The following TTBK1 variants were observed in gnomAD, a reference collection of about 807,000 sequenced individuals.
TTBK1 encodes tau tubulin kinase 1, also known as tau-tubulin kinase 1.
TTBK1 carries 34 observed loss-of-function variants against 108.5 expected under a neutral mutation model. The observed-to-expected ratio is 0.31, with a 90% CI of 0.24 to 0.42. The LOEUF (loss-of-function observed/expected upper bound fraction) is 0.42, where lower values mean the gene tolerates loss of function less well. Among genes scored for constraint, TTBK1 ranks in the 10% least tolerant of loss-of-function variants. The pLI is 1.00. For synonymous variants in TTBK1, 809 were observed against 795.1 expected, an observed-to-expected ratio of 1.02 and a Z score of -0.29; for missense variants, 1,539 against 1,826.0, an observed-to-expected ratio of 0.84 and a Z score of 2.86.
At chr6:43,271,624 C>T in intron 13 of TTBK1, 3 of 985,286 alleles carry the variant, frequency 3.0e-6, no homozygotes, top group Non-Finnish European at 3.6e-6. Context: ...CTGGGGGTGC[C>T]ATAAGTGTGG....
At position 43,259,577 on chromosome 6, in the gene TTBK1, G is replaced by C. The variant is rs142658801; in HGVS notation, c.1295G>C (p.Ser432Thr). 3 of 1,607,468 alleles carry C rather than the reference G, an allele frequency of 1.9e-6. No individual in the cohort carries two copies. Among genetic ancestry groups the C allele is most frequent in the African/African-American group, 2.7e-5 (2 of 74,888 alleles). Residue 432 changes from serine (S) to threonine (T), a missense_variant, in exon 12 of 15, where the codon AGC becomes ACC. Coordinates refer to ENST00000259750, the MANE Select transcript of TTBK1 (RefSeq NM_032538.3). The surrounding 1 kb of genome is among the most constrained non-coding windows in gnomAD (Gnocchi z 6.7). ...EEQSRGMGVP[S>T]SPVRAPPDSP... Reference sequence around the variant, plus strand: ...CAGAGCCGAGGCATGGGGGTCCCCAGCTCCCCAGTGCGTGCCCCCCCAGAC... The same window carrying C: ...CAGAGCCGAGGCATGGGGGTCCCCACCTCCCCAGTGCGTGCCCCCCCAGAC...
At chr6:43,271,727 C>T in intron 13 of TTBK1, 1 of 985,266 alleles carries the variant, frequency 1.0e-6, no homozygotes, top group Non-Finnish European at 1.2e-6. Flanking sequence ...TCCATAGTCA[C>T]ACACTCCTTT....
At chr6:43,255,351 C>G (rs1329433489) in intron 7 of TTBK1, among the ~76,000 whole-genome samples, 1 of 152,132 alleles carries the variant, frequency 6.6e-6, no homozygotes, top group African/African-American at 2.4e-5. Flanking sequence ...GGTGAGGAAG[C>G]ACACACGGTA....
chr6:43,263,871 G>A lies in TTBK1; in HGVS notation c.1986+521G>A, dbSNP rs1777610316. Among the ~76,000 whole-genome samples the A allele has an allele frequency of 1.3e-5, 2 of 152,152 alleles. No homozygotes were observed. Among genetic ancestry groups the A allele is most frequent in the South Asian group, 4.1e-4 (2 of 4,824 alleles). On this transcript the variant is annotated intron_variant, in intron 13 of 14. Transcript: ENST00000259750. The surrounding 1 kb of genome is among the most constrained non-coding windows in gnomAD (Gnocchi z 4.7). ...TGCTGTGTGGAAAATGGATTGAAATGGCCTGAAATGAGATGCAAGCAGGCC... is the reference window on the plus strand; with the variant it reads ...TGCTGTGTGGAAAATGGATTGAAATAGCCTGAAATGAGATGCAAGCAGGCC...
chr6:43,269,028 G>T lies in TTBK1; in HGVS notation c.1986+5678G>T, dbSNP rs929862014. On this transcript the variant is annotated intron_variant, in intron 13 of 14. Transcript: ENST00000259750. This position sits in a 1 kb window ranked among gnomAD's most constrained non-coding sequence, Gnocchi z 4.8. ...ACAGAGGAGGAAGCTGAGGCTCAGA[G>T]AGGTGCAGTAACTTGCTCAAGGTCA... 6.6e-5 allele frequency among the ~76,000 whole-genome samples: 10 copies of T among 152,234 alleles called. No homozygotes were observed. The highest frequency in any genetic ancestry group is 2.2e-4 in the African/African-American group (9 of 41,452).
chr6:43,253,213 T>A lies in TTBK1; in HGVS notation c.257-78T>A, dbSNP rs1777292103. 4.0e-6 allele frequency: 6 copies of A among 1,485,590 alleles called. No homozygotes were observed. The highest frequency in any genetic ancestry group is 4.7e-6 in the Non-Finnish European group (5 of 1,064,426). The allele number at this position is 1,485,590 out of a possible 1,614,324, so 92.0% of individuals were successfully genotyped here. ...CACTGGAGGGACCAGGAATCAAGAG[T>A]GCACTAGGAACCCATCTTAGGGTTG... On this transcript the variant is annotated intron_variant, in intron 3 of 14. Coordinates refer to ENST00000259750, the MANE Select transcript of TTBK1 (RefSeq NM_032538.3). This position sits in a 1 kb window ranked among gnomAD's most constrained non-coding sequence, Gnocchi z 5.8.
chr6:43,277,208 C>T (rs1306079637), intron 13 of TTBK1, among the ~76,000 whole-genome samples: 1 of 152,100 alleles, frequency 6.6e-6, no homozygotes, highest in Non-Finnish European at 1.5e-5. Flanking sequence ...GCAGCCCTGG[C>T]CTTGGGGGTG....
intron 13 of TTBK1, among the ~76,000 whole-genome samples, chr6:43,281,643 G>A (rs557600210): frequency 6.6e-6 from 1 of 152,252 alleles, no homozygotes; most frequent in African/African-American, 2.4e-5. Flanking sequence ...CAGCGTAGAT[G>A]GGCAGGAAAG....
intron 13 of TTBK1, among the ~76,000 whole-genome samples, chr6:43,280,866 G>GAC (rs879565566): frequency 0.015 from 2,233 of 152,310 alleles, 23 homozygotes; most frequent in Non-Finnish European, 0.023. Flanking sequence ...GTTATCATGT[G>GAC]CAGAGAGGAG....
intron 13 of TTBK1, chr6:43,270,036 A>T: frequency 7.0e-7 from 1 of 1,422,350 alleles, no homozygotes; most frequent in Non-Finnish European, 9.1e-7. Context: ...AGGACGCAAT[A>T]ATCACACACT....
chr6:43,285,527 C>T lies in TTBK1; in HGVS notation c.*151C>T. The T allele has an allele frequency of 1.9e-6, 2 of 1,056,400 alleles. No homozygotes were observed. Among genetic ancestry groups the T allele is most frequent in the South Asian group, 4.9e-5 (1 of 20,416 alleles). The allele number at this position is 1,056,400 out of a possible 1,614,324, so 65.4% of individuals were successfully genotyped here. ...CCGCCTGCACCCGCGAGGACGCGCG[C>T]GAGCACACGCGGCGCCCCGCCAGGC... On this transcript the variant is annotated 3_prime_UTR_variant, in exon 15 of 15. Coordinates refer to ENST00000259750, the MANE Select transcript of TTBK1 (RefSeq NM_032538.3). The surrounding 1 kb of genome is among the most constrained non-coding windows in gnomAD (Gnocchi z 4.7).
At position 43,276,334 on chromosome 6, in the gene TTBK1, G is replaced by C. The variant is rs1157935278; in HGVS notation, c.1987-6393G>C. 6.6e-6 allele frequency among the ~76,000 whole-genome samples: 1 copy of C among 152,070 alleles called. No homozygotes were observed. Among genetic ancestry groups the C allele is most frequent in the East Asian group, 1.9e-4 (1 of 5,180 alleles). ...TTTTTTTCTTCCTCTCTCTCTCCGG[G>C]GTGCGTCCTCCTTAGTGTACATAGC... On this transcript the variant is annotated intron_variant, in intron 13 of 14. Transcript: ENST00000259750. The surrounding 1 kb of genome is among the most constrained non-coding windows in gnomAD (Gnocchi z 5.4).
chr6:43,280,424 T>C (rs960546015), intron 13 of TTBK1, among the ~76,000 whole-genome samples: 1 of 152,206 alleles, frequency 6.6e-6, no homozygotes, highest in African/African-American at 2.4e-5. Context: ...TAACATTTAT[T>C]GAGCAACTGC....
At chr6:43,258,980 A>G (rs1475350554) in intron 10 of TTBK1, 58 bp from the exon 11 acceptor site, 4 of 1,359,378 alleles carry the variant, frequency 2.9e-6, no homozygotes, top group African/African-American at 1.4e-5. Flanking sequence ...GGAGAGGGCC[A>G]TGGAAGGAGA....
In TTBK1 at chr6:43,246,648, C is replaced by G; in HGVS notation, c.-13C>G. On this transcript the variant is annotated 5_prime_UTR_variant, in exon 2 of 15. Coordinates refer to ENST00000259750, the MANE Select transcript of TTBK1 (RefSeq NM_032538.3). ...GGGCAGGCCCGGCGGACACCCCTCC[C>G]TCTGGCTGGCGGATGCAGTGCCTAG... 1 of 1,589,010 alleles carries G rather than the reference C, an allele frequency of 6.3e-7. No individual in the cohort carries two copies. Among genetic ancestry groups the G allele is most frequent in the East Asian group, 2.3e-5 (1 of 44,264 alleles).
intron 14 of TTBK1, 66 bp from the exon 15 acceptor site, chr6:43,284,917 T>C: frequency 2.7e-6 from 4 of 1,464,484 alleles, no homozygotes; most frequent in Non-Finnish European, 3.6e-6. Context: ...AGGAGGATTC[T>C]GAAATATTTC....
intron 2 of TTBK1, among the ~76,000 whole-genome samples, chr6:43,250,348 C>CT (rs555371314): frequency 0.053 from 4,714 of 88,908 alleles, 164 homozygotes; most frequent in African/African-American, 0.087. Flanking sequence ...CCTGGCTTTG[C>CT]TTTTTTTTTT....
In TTBK1 at chr6:43,269,580, A is replaced by G. The variant is rs1231224428; in HGVS notation, c.1986+6230A>G. On this transcript the variant is annotated intron_variant, in intron 13 of 14. Transcript: ENST00000259750. This position sits in a 1 kb window ranked among gnomAD's most constrained non-coding sequence, Gnocchi z 4.8. The stretch of plus-strand genomic sequence containing the variant: ...GGCTGTGAGCGGTGGGTGGCCCCGG[A>G]GACGGAGCTGTCGAGTCTGTGCCTG... 1 of 1,498,234 alleles carries G rather than the reference A, an allele frequency of 6.7e-7. No individual in the cohort carries two copies. Among genetic ancestry groups the G allele is most frequent in the Non-Finnish European group, 8.9e-7 (1 of 1,120,958 alleles). The allele number at this position is 1,498,234 out of a possible 1,614,324, so 92.8% of individuals were successfully genotyped here.
chr6:43,283,916 T>G lies in TTBK1; in HGVS notation c.3176T>G (p.Leu1059Arg). 1.2e-6 allele frequency: 2 copies of G among 1,613,064 alleles called. No individual in the cohort carries two copies. The highest frequency in any genetic ancestry group is 1.7e-6 in the Non-Finnish European group (2 of 1,179,418). ...GSRPRSRIPV[L>R]LSEEDTGSEP... The stretch of plus-strand genomic sequence containing the variant: ...CGCCCCAGGAGCCGTATCCCTGTCC[T>G]GCTCTCTGAGGAGGACACGGGCTCG... Residue 1059 changes from leucine (L) to arginine (R), a missense_variant, in exon 14 of 15, where the codon CTG (leucine) becomes CGG (arginine). Physicochemically the swap from Leu to Arg is moderately radical, Grantham distance 102. Coordinates refer to ENST00000259750, the MANE Select transcript of TTBK1 (RefSeq NM_032538.3). The surrounding 1 kb of genome is among the most constrained non-coding windows in gnomAD (Gnocchi z 8.1).
Sources: allele counts gnomAD v4.1 joint callset (sites outside exome capture counted in the v4.1 genomes callset), GRCh38; gene constraint gnomAD v4.1.1; non-coding constraint Gnocchi (gnomAD v3.1); transcripts MANE v1.5; gene names NCBI Gene and HGNC (gene_info 2026-07-23, HGNC 2026-07-21).